SIPA1L3: variants seen among roughly 807,000 people sequenced by gnomAD.
SIPA1L3 encodes signal-induced proliferation-associated 1-like protein 3.
Under a neutral mutation model 150.1 loss-of-function variants are expected in SIPA1L3, and 59 were observed. The ratio of observed to expected loss-of-function variants is 0.39; its 90% CI spans 0.32 to 0.49. The LOEUF is 0.49. SIPA1L3 is among the 20% of genes least tolerant of loss of function. SIPA1L3 has a pLI of 0.86. For missense variants in SIPA1L3, 2,211 were observed against 2,489.5 expected (o/e 0.89, Z 2.38); for synonymous variants, 1,070 against 1,077.6 (o/e 0.99, Z 0.14).
At chr19:38,100,481 C>T (rs780420004) in intron 5 of SIPA1L3, among the ~76,000 whole-genome samples, 17 of 152,286 alleles carry the variant, frequency 1.1e-4, no homozygotes, top group Middle Eastern at 3.4e-3. Context: ...TCTTGCCTCT[C>T]CCACAGCTCC....
At chr19:38,041,256 G>A (rs953646946) in intron 2 of SIPA1L3, among the ~76,000 whole-genome samples, 4 of 139,194 alleles carry the variant, frequency 2.9e-5, no homozygotes, top group Admixed American at 7.5e-5. Flanking sequence ...ACAGGCACCC[G>A]CCAACACGCT....
At chr19:37,918,604 T>G (rs1258457315) in intron 1 of SIPA1L3, among the ~76,000 whole-genome samples, 3 of 151,720 alleles carry the variant, frequency 2.0e-5, no homozygotes, top group African/African-American at 7.3e-5. Context: ...GCCTGGTGGC[T>G]TATGCCTGTA....
chr19:38,045,808 G>C (rs921242959), intron 2 of SIPA1L3, among the ~76,000 whole-genome samples: 8 of 152,196 alleles, frequency 5.3e-5, no homozygotes, highest in African/African-American at 1.4e-4. Context: ...TGTCGCAGGT[G>C]GGGAGGAACT....
chr19:38,156,468 G>A (rs1971951477), intron 13 of SIPA1L3, among the ~76,000 whole-genome samples: 3 of 150,206 alleles, frequency 2.0e-5, no homozygotes, highest in Admixed American at 6.7e-5. Context: ...TGTTATAGTT[G>A]ACTCCTAAAA....
intron 8 of SIPA1L3, among the ~76,000 whole-genome samples, chr19:38,118,866 A>G (rs868519340): frequency 1.3e-5 from 2 of 150,732 alleles, no homozygotes; most frequent in Admixed American, 6.7e-5. Context: ...CTGGTTAGCC[A>G]GCAACTTACT....
At chr19:37,951,949 G>A (rs1413439286) in intron 1 of SIPA1L3, among the ~76,000 whole-genome samples, 1 of 150,194 alleles carries the variant, frequency 6.7e-6, no homozygotes, top group African/African-American at 2.5e-5. Flanking sequence ...TGGTCTACCT[G>A]GTTTGGACTT....
chr19:38,122,577 C>A (rs565571807), intron 9 of SIPA1L3, among the ~76,000 whole-genome samples: 12 of 152,312 alleles, frequency 7.9e-5, no homozygotes, highest in Admixed American at 2.6e-4. Context: ...TGAGAGCAAT[C>A]TGATCACATC....
At chr19:38,085,760 C>T (rs953654396) in intron 3 of SIPA1L3, among the ~76,000 whole-genome samples, 1 of 152,078 alleles carries the variant, frequency 6.6e-6, no homozygotes, top group Non-Finnish European at 1.5e-5. Context: ...TTGGGAGGCC[C>T]GAGGCGGGCA....
intron 16 of SIPA1L3, among the ~76,000 whole-genome samples, chr19:38,186,887 T>C (rs987084513): frequency 6.7e-6 from 1 of 149,630 alleles, no homozygotes; most frequent in South Asian, 2.1e-4. Flanking sequence ...CCACATCCCA[T>C]GTACAGCTAC....
intron 2 of SIPA1L3, among the ~76,000 whole-genome samples, chr19:38,065,902 CTTAT>C (rs950492911): frequency 9.1e-5 from 8 of 87,580 alleles, no homozygotes; most frequent in East Asian, 3.4e-4. Context: ...GGTTTGATCT[CTTAT>C]TTATTTATCT....
At chr19:37,962,466 T>C (rs1241276714) in intron 1 of SIPA1L3, among the ~76,000 whole-genome samples, 4 of 131,128 alleles carry the variant, frequency 3.1e-5, no homozygotes, top group African/African-American at 1.3e-4. Context: ...AGCCGGCCTT[T>C]TTTTTTTTTT....
chr19:37,957,680 T>C (rs932175713), intron 1 of SIPA1L3, among the ~76,000 whole-genome samples: 7 of 151,964 alleles, frequency 4.6e-5, no homozygotes, highest in African/African-American at 1.7e-4. Flanking sequence ...GCTAGGACTA[T>C]AGGCACATGT....
At chr19:38,009,257 A>C (rs560482269) in intron 1 of SIPA1L3, among the ~76,000 whole-genome samples, 1 of 152,092 alleles carries the variant, frequency 6.6e-6, no homozygotes, top group South Asian at 2.1e-4. Flanking sequence ...TGACCTTGTG[A>C]TCTACCCGCC....
At chr19:37,984,853 C>T (rs1311338997) in intron 1 of SIPA1L3, among the ~76,000 whole-genome samples, 1 of 152,136 alleles carries the variant, frequency 6.6e-6, no homozygotes, top group Non-Finnish European at 1.5e-5. Flanking sequence ...TGTGGTGATC[C>T]CTGAAGAAGA....
intron 2 of SIPA1L3, 80 bp from the exon 3 acceptor site, chr19:38,081,176 C>G (rs1969968968): frequency 2.5e-6 from 1 of 403,038 alleles, no homozygotes; most frequent in South Asian, 1.3e-4. Context: ...GTAAGGCTGT[C>G]AAGAAAAGTC....
At chr19:38,124,336 G>A (rs1258032055) in intron 9 of SIPA1L3, among the ~76,000 whole-genome samples, 12 of 151,748 alleles carry the variant, frequency 7.9e-5, no homozygotes, top group African/African-American at 2.9e-4. Flanking sequence ...GTCGCGGCCA[G>A]GCAGAGGCGC....
At chr19:38,149,531 G>C (rs934372420) in intron 12 of SIPA1L3, among the ~76,000 whole-genome samples, 53 of 152,302 alleles carry the variant, frequency 3.5e-4, no homozygotes, top group African/African-American at 1.1e-3. Flanking sequence ...ATTAGGTTTA[G>C]CTGCATAGTA....
At chr19:38,141,531 T>C in intron 11 of SIPA1L3, 96 bp downstream of exon 11, 5 of 1,311,578 alleles carry the variant, frequency 3.8e-6, no homozygotes, top group Non-Finnish European at 5.2e-6. Context: ...TCCATCCTCT[T>C]CCTCGCCTCA....
chr19:38,082,865 A>T lies in SIPA1L3; in HGVS notation c.1300A>T (p.Ile434Phe). The T allele has an allele frequency of 6.2e-7, 1 of 1,613,574 alleles. No homozygotes were observed. The highest frequency in any genetic ancestry group is 8.5e-7 in the Non-Finnish European group (1 of 1,179,912). The change falls in exon 3 of 22, where the codon ATC becomes TTC. Residue 434 changes from isoleucine (I) to phenylalanine (F), a missense_variant. Coordinates refer to ENST00000222345, the MANE Select transcript of SIPA1L3 (RefSeq NM_015073.3). ...CAGCTGCCCGCACTTCCGCAATGAG[A>T]TCGGGGGCGAGTGTGAGCGCAACGT... ...LLSCPHFRNE[I>F]GGECERNVSF...
Sources: allele counts gnomAD v4.1 joint callset (sites outside exome capture counted in the v4.1 genomes callset), GRCh38; gene constraint gnomAD v4.1.1; transcripts MANE v1.5; gene names NCBI Gene and HGNC (gene_info 2026-07-23, HGNC 2026-07-21).